The following ZNF697 variants were observed in gnomAD, a reference collection of about 807,000 sequenced individuals.
The protein encoded by ZNF697 is zinc finger protein 697.
In ZNF697, 23 loss-of-function variants were observed where a neutral mutation model predicts 32.4. The ratio of observed to expected loss-of-function variants is 0.71; its 90% CI spans 0.51 to 1.01. The LOEUF (loss-of-function observed/expected upper bound fraction) is 1.01, where lower values mean the gene tolerates loss of function less well. ZNF697 is among the 50% of genes least tolerant of loss of function. The pLI, the probability that ZNF697 is intolerant of heterozygous loss-of-function variation, is 0.00. For synonymous variants in ZNF697, 418 were observed against 337.2 expected (o/e 1.24, Z -2.62); for missense variants, 930 against 794.0 (o/e 1.17, Z -2.06).
At position 119,623,071 on chromosome 1, in the gene ZNF697, G is replaced by T. The variant is rs1276488445; in HGVS notation, c.1272C>A (p.Leu424=). 5.7e-6 allele frequency: 9 copies of T among 1,584,480 alleles called. No homozygotes were observed. In the East Asian group the frequency reaches 2.1e-4, roughly 37 times the overall value. Residue 424 remains leucine (L), a synonymous_variant, in exon 3 of 3, where the codon CTC becomes CTA. Coordinates refer to ENST00000421812, the MANE Select transcript of ZNF697 (RefSeq NM_001080470.2). ...CCGAGTGCGTGCGCTTGTGCGTGAAGAGGTGCGAGCTGACGCTGAAGGTCT... is the reference window on the plus strand; with the variant it reads ...CCGAGTGCGTGCGCTTGTGCGTGAATAGGTGCGAGCTGACGCTGAAGGTCT... ...CGETFSVSSH[L]FTHKRTHSGE... is the part of the protein sequence containing the mutation.
In ZNF697 at chr1:119,623,933, G is replaced by A. The variant is rs1165025446; in HGVS notation, c.410C>T (p.Ala137Val). Residue 137 changes from alanine (A) to valine (V), a missense_variant, in exon 3 of 3, where the codon GCC (alanine) becomes GTC (valine). Physicochemically the swap from Ala to Val is moderately conservative, Grantham distance 64. Coordinates refer to ENST00000421812, the MANE Select transcript of ZNF697 (RefSeq NM_001080470.2). Reference sequence around the variant, plus strand: ...TCGCCTCCAGGGAAGTACGGGAGGGGCCGGCTGCTCCTCTTCCTCCTCCAG... The same window carrying A: ...TCGCCTCCAGGGAAGTACGGGAGGGACCGGCTGCTCCTCTTCCTCCTCCAG... ...NRLEEEEEQP[A>V]PPVLPWRRHL... 6.3e-7 allele frequency: 1 copy of A among 1,588,892 alleles called. No individual in the cohort carries two copies. The highest frequency in any genetic ancestry group is 8.6e-7 in the Non-Finnish European group (1 of 1,167,846).
chr1:119,638,694 C>T (rs1648988541), intron 1 of ZNF697, among the ~76,000 whole-genome samples: 1 of 152,134 alleles, frequency 6.6e-6, no homozygotes, highest in African/African-American at 2.4e-5. Flanking sequence ...CTCTTCTATC[C>T]AAAGACCTCA....
Position 119,621,746 on chromosome 1 carries a change from T to C in ZNF697, c.*959A>G, listed in dbSNP as rs1191936792. 1.3e-5 allele frequency: 2 copies of C among 152,228 alleles called. No individual in the cohort carries two copies. The highest frequency in any genetic ancestry group is 4.8e-5 in the African/African-American group (2 of 41,464). The allele number at this position is 152,228 out of a possible 1,614,324, so 9.4% of individuals were successfully genotyped here. A position where few individuals can be genotyped will look rare whatever the true frequency, so the allele number is the denominator to read the frequency against. On this transcript the variant is annotated 3_prime_UTR_variant, in exon 3 of 3. Coordinates refer to ENST00000421812, the MANE Select transcript of ZNF697 (RefSeq NM_001080470.2). ...AAAGGCCAGCAAAACTCTGAGCTAG[T>C]TGACTTTTTAGCAGGTCACTGGGCA...
chr1:119,645,704 G>A (rs1649182155), intron 1 of ZNF697, among the ~76,000 whole-genome samples: 1 of 152,096 alleles, frequency 6.6e-6, no homozygotes, highest in Admixed American at 6.5e-5. Flanking sequence ...CCCAAAGTAA[G>A]GAGTTACTTT....
At chr1:119,634,137 T>TCTTTTCCAACC (rs1553229470) in intron 1 of ZNF697, among the ~76,000 whole-genome samples, 1 of 152,170 alleles carries the variant, frequency 6.6e-6, no homozygotes, top group African/African-American at 2.4e-5. Context: ...CCTCAGGAAG[T>TCTTTTCCAACC]CTTTTCCAAC....
intron 1 of ZNF697, among the ~76,000 whole-genome samples, chr1:119,635,244 T>C (rs1648889866): frequency 6.6e-6 from 1 of 152,222 alleles, no homozygotes; most frequent in Non-Finnish European, 1.5e-5. Context: ...ATAAAAGGAA[T>C]AGCCTGCTTT....
In ZNF697 at chr1:119,623,484, G is replaced by A; in HGVS notation, c.859C>T (p.Arg287Trp). The A allele has an allele frequency of 2.6e-6, 4 of 1,553,252 alleles. No individual in the cohort carries two copies. The highest frequency in any genetic ancestry group is 2.5e-5 in the East Asian group (1 of 39,786). ...TNHLRLHTGE[R>W]PNLCADCGKS... ...CCGCAGTCGGCGCACAGGTTGGGCC[G>A]CTCGCCCGTGTGCAGGCGCAGGTGG... Residue 287 changes from arginine (R) to tryptophan (W), a missense_variant, in exon 3 of 3, where the codon CGG becomes TGG. By Grantham distance (101) the Arg-to-Trp change is moderately radical. Transcript: ENST00000421812.
chr1:119,640,976 A>T (rs347908), intron 1 of ZNF697, among the ~76,000 whole-genome samples: 57,269 of 152,076 alleles, frequency 0.38, 11,117 homozygotes, highest in East Asian at 0.62. Context: ...ACCTACATAG[A>T]ATCATCAGCC....
chr1:119,643,762 G>A (rs587599909), intron 1 of ZNF697, among the ~76,000 whole-genome samples: 5 of 152,190 alleles, frequency 3.3e-5, no homozygotes, highest in East Asian at 3.9e-4. Context: ...CCCACTACCC[G>A]AAATTATTAA....
intron 1 of ZNF697, among the ~76,000 whole-genome samples, chr1:119,645,664 G>A (rs1167421137): frequency 6.6e-6 from 1 of 152,164 alleles, no homozygotes; most frequent in Non-Finnish European, 1.5e-5. Flanking sequence ...AGAGGGGTAG[G>A]TAGGCACTGA....
Position 119,622,905 on chromosome 1 carries a change from G to A in ZNF697, c.1438C>T (p.Leu480Phe), listed in dbSNP as rs774699972. Residue 480 changes from leucine to phenylalanine, a missense_variant, in exon 3 of 3, where the codon CTC becomes TTC. Coordinates refer to ENST00000421812, the MANE Select transcript of ZNF697 (RefSeq NM_001080470.2). ...GTGTGCGTGCGCTGGTGCTGCGTGA[G>A]CGTGGAGAAGTCGCTGAAGCGCTTC... ...CEKRFSDFSTLTQHQRTHTGE... is the reference protein window; with the variant it reads ...CEKRFSDFSTFTQHQRTHTGE... The A allele has an allele frequency of 1.2e-6, 2 of 1,606,766 alleles. No homozygotes were observed. The highest frequency in any genetic ancestry group is 1.1e-5 in the South Asian group (1 of 90,258).
At chr1:119,633,020 C>A (rs1016213957) in intron 1 of ZNF697, among the ~76,000 whole-genome samples, 1 of 152,162 alleles carries the variant, frequency 6.6e-6, no homozygotes, top group African/African-American at 2.4e-5. Flanking sequence ...GGGCAGCCCT[C>A]AGAATTATTA....
In ZNF697 at chr1:119,623,047, C is replaced by G; in HGVS notation, c.1296G>C (p.Ser432=). 14 of 1,586,556 alleles carry G rather than the reference C, an allele frequency of 8.8e-6. No individual in the cohort carries two copies. Among genetic ancestry groups the G allele is most frequent in the Non-Finnish European group, 1.2e-5 (14 of 1,166,170 alleles). ...SHLFTHKRTH[S]GERPYVCREC... ...CGCGGCACACGTAGGGCCGCTCACC[C>G]GAGTGCGTGCGCTTGTGCGTGAAGA... Residue 432 remains serine (S), a synonymous_variant, in exon 3 of 3, where the codon TCG becomes TCC. Transcript: ENST00000421812.
intron 1 of ZNF697, among the ~76,000 whole-genome samples, chr1:119,643,249 C>G (rs1649123906): frequency 6.6e-6 from 1 of 152,190 alleles, no homozygotes; most frequent in South Asian, 2.1e-4. Flanking sequence ...GCATGTGACC[C>G]TCTCACACAC....
chr1:119,623,272 C>G lies in ZNF697; in HGVS notation c.1071G>C (p.Glu357Asp). Residue 357 changes from glutamate to aspartate, a missense_variant, in exon 3 of 3, where the codon GAG becomes GAC. Coordinates refer to ENST00000421812, the MANE Select transcript of ZNF697 (RefSeq NM_001080470.2). ...AACGGCGCACGAAGCCCTTGCCGCA[C>G]TCCCCGCAGGCGAAGGGCCGCAGCG... is the stretch of plus-strand genomic sequence containing the variant. ...AAALRPFACG[E>D]CGKGFVRRSH... The G allele has an allele frequency of 6.6e-7, 1 of 1,521,058 alleles. No homozygotes were observed. The highest frequency in any genetic ancestry group is 8.8e-7 in the Non-Finnish European group (1 of 1,137,234). The allele number at this position is 1,521,058 out of a possible 1,614,324, so 94.2% of individuals were successfully genotyped here.
intron 1 of ZNF697, among the ~76,000 whole-genome samples, chr1:119,629,960 C>G (rs1421933578): frequency 6.6e-6 from 1 of 152,174 alleles, no homozygotes; most frequent in Non-Finnish European, 1.5e-5. Flanking sequence ...ATCCTGTAAA[C>G]AGAGTATAGG....
At position 119,623,258 on chromosome 1, in the gene ZNF697, A is replaced by T. The variant is rs1648417204; in HGVS notation, c.1085T>A (p.Phe362Tyr). ...PFACGECGKG[F>Y]VRRSHLANHQ... ...GTTGGCCAGGTGCGAACGGCGCACG[A>T]AGCCCTTGCCGCACTCCCCGCAGGC... Residue 362 changes from phenylalanine to tyrosine, a missense_variant, in exon 3 of 3, where the codon TTC (phenylalanine) becomes TAC (tyrosine). Coordinates refer to ENST00000421812, the MANE Select transcript of ZNF697 (RefSeq NM_001080470.2). 6.5e-7 allele frequency: 1 copy of T among 1,546,178 alleles called. No individual in the cohort carries two copies. The highest frequency in any genetic ancestry group is 1.2e-5 in the South Asian group (1 of 84,456).
chr1:119,625,784 C>T (rs1188250514), intron 2 of ZNF697, 91 bp downstream of exon 2: 2 of 1,510,822 alleles, frequency 1.3e-6, no homozygotes, highest in Non-Finnish European at 1.8e-6. Flanking sequence ...AACTCCCTTA[C>T]AGAGAATGCT....
intron 1 of ZNF697, among the ~76,000 whole-genome samples, chr1:119,641,082 T>C (rs587741217): frequency 2.0e-5 from 3 of 152,306 alleles, no homozygotes; most frequent in Admixed American, 2.0e-4. Flanking sequence ...ACAGGAAGTG[T>C]TGACCAGGAA....
Sources: gnomAD v4.1 joint callset for allele counts (sites outside exome capture counted in the v4.1 genomes callset) on GRCh38, gnomAD v4.1.1 for gene constraint, MANE v1.5 for transcripts, NCBI Gene and HGNC (gene_info 2026-07-23, HGNC 2026-07-21) for gene names.